Variants in NECTIN1 observed in about 807,000 individuals in gnomAD.
NECTIN1 encodes the protein nectin cell adhesion molecule 1, also known as nectin-1.
NECTIN1 carries 23 observed loss-of-function variants against 48.0 expected under a neutral mutation model. The ratio of observed to expected loss-of-function variants is 0.48; its 90% CI spans 0.34 to 0.68. The LOEUF (loss-of-function observed/expected upper bound fraction) is 0.68. NECTIN1 is among the 30% of genes least tolerant of loss of function. The probability of loss-of-function intolerance (pLI) is 0.01; values close to 1 mark genes in which losing one functional copy is unlikely to be tolerated. For missense variants in NECTIN1, 591 were observed against 709.9 expected, an observed-to-expected ratio of 0.83 and a Z score of 1.90; for synonymous variants, 270 against 288.9, an observed-to-expected ratio of 0.93 and a Z score of 0.66.
At chr11:119,717,952 G>A (rs1488754784) in intron 1 of NECTIN1, among the ~76,000 whole-genome samples, 2 of 152,270 alleles carry the variant, frequency 1.3e-5, no homozygotes, top group African/African-American at 4.8e-5. Flanking sequence ...GCTTGTGTCT[G>A]GGCCACAGAG....
intron 5 of NECTIN1, among the ~76,000 whole-genome samples, chr11:119,670,795 C>G (rs1233281443): frequency 1.3e-5 from 2 of 151,942 alleles, no homozygotes; most frequent in Non-Finnish European, 2.9e-5. Context: ...TACAGGCACG[C>G]ACTGCCACAC....
rs181208753 is a variant in NECTIN1 at position 119,718,670 on chromosome 11, G to A, written c.79+9805C>T. On this transcript the variant is annotated intron_variant, in intron 1 of 5. Transcript: ENST00000264025. ...TACTATACCTGCCTCTGGTCTCACC[G>A]TGAGACATGGTGTGTGTGAGGGGGC... Among the ~76,000 whole-genome samples, 8 of 152,288 alleles carry A rather than the reference G, an allele frequency of 5.3e-5. No homozygotes were observed. In the East Asian group the frequency reaches 1.2e-3, roughly 22 times the overall value.
In NECTIN1 at chr11:119,684,694, C is replaced by G. The variant is rs891056979; in HGVS notation, c.80-5929G>C. ...CTTCCCTGATTGTCAACTCCCAGGG[C>G]TGGCCAACTCCATACCTTCTGAAGC... is the stretch of plus-strand genomic sequence containing the variant. On this transcript the variant is annotated intron_variant, in intron 1 of 5. Transcript: ENST00000264025. The surrounding 1 kb of genome is among the most constrained non-coding windows in gnomAD (Gnocchi z 5.2). Among the ~76,000 whole-genome samples the G allele has an allele frequency of 2.6e-5, 4 of 152,328 alleles. No individual in the cohort carries two copies. In the East Asian group the frequency reaches 7.7e-4, roughly 29 times the overall value.
chr11:119,665,228 C>T lies in NECTIN1; in HGVS notation c.1073G>A (p.Gly358Glu). The T allele has an allele frequency of 6.2e-7, 1 of 1,602,982 alleles. No homozygotes were observed. The highest frequency in any genetic ancestry group is 1.1e-5 in the South Asian group (1 of 91,038). Residue 358 changes from glycine (G) to glutamate (E), a missense_variant, in exon 6 of 6, where the codon GGG (glycine) becomes GAG (glutamate). Transcript: ENST00000264025. The surrounding 1 kb of genome is among the most constrained non-coding windows in gnomAD (Gnocchi z 5.1). ...CAGCAGGATGCTCCCCGCCACGCCCCCAATGATGGCCGTGGGCACCGGCCC... is the reference window on the plus strand; with the variant it reads ...CAGCAGGATGCTCCCCGCCACGCCCTCAATGATGGCCGTGGGCACCGGCCC... Reference protein sequence around the residue: ...RAGPVPTAIIGGVAGSILLVL... With the variant: ...RAGPVPTAIIEGVAGSILLVL...
chr11:119,669,442 A>C (rs558655826), intron 5 of NECTIN1, among the ~76,000 whole-genome samples: 121 of 149,840 alleles, frequency 8.1e-4, no homozygotes, highest in Middle Eastern at 7.0e-3. Flanking sequence ...CTTGAACCTG[A>C]TCTCTTCTCA....
intron 1 of NECTIN1, among the ~76,000 whole-genome samples, chr11:119,691,732 G>A (rs759911492): frequency 6.6e-6 from 1 of 152,202 alleles, no homozygotes; most frequent in African/African-American, 2.4e-5. Context: ...CTTTTCACCT[G>A]TAAATGGGCC....
chr11:119,647,166 T>TGTGTGTGTGTGTGG (rs1864409033), intron 5 of NECTIN1, among the ~76,000 whole-genome samples: 1 of 37,166 alleles, frequency 2.7e-5, no homozygotes, highest in African/African-American at 1.1e-4. Context: ...GGCGCATGTG[T>TGTGTGTGTGTGTGG]GTGTGTGTGT....
chr11:119,705,519 T>C (rs868123255), intron 1 of NECTIN1, among the ~76,000 whole-genome samples: 2 of 151,998 alleles, frequency 1.3e-5, no homozygotes, highest in African/African-American at 4.8e-5. Context: ...GAGGAGATAT[T>C]CCAGGCAGAG....
rs112681299 is a variant in NECTIN1, at chr11:119,648,289, A to C, written c.1004-8277T>G. On this transcript the variant is annotated intron_variant, in intron 5 of 7. Coordinates refer to the NECTIN1 transcript ENST00000341398. ...AGTGGTGGTGGTGATGGTGGTGGTG[A>C]TGGTGGTGGTGGTGGTGATGGTGGT... 1.3e-3 allele frequency among the ~76,000 whole-genome samples: 14 copies of C among 10,762 alleles called. 1 individual carries two copies. Among genetic ancestry groups the C allele is most frequent in the African/African-American group, 3.7e-3 (12 of 3,238 alleles). 7.1% of individuals were successfully genotyped at this position (10,762 alleles called of 152,430 possible).
Position 119,664,783 on chromosome 11 carries a change from G to A in NECTIN1, c.1518C>T (p.Asp506=), listed in dbSNP as rs768276759. 1.5e-5 allele frequency: 24 copies of A among 1,613,074 alleles called. No individual in the cohort carries two copies. The highest frequency in any genetic ancestry group is 1.7e-4 in the Middle Eastern group (1 of 6,056). The stretch of plus-strand genomic sequence containing the variant: ...ACTCCTTCTTGGAAATGAAAGACCC[G>A]TCGTTCTGAGAAACCATGTTCTCAG... ...DLAENMVSQN[D]GSFISKKEWY... The change falls in exon 6 of 6, where the codon GAC becomes GAT. Residue 506 remains aspartate (D), a synonymous_variant. Transcript: ENST00000264025.
At chr11:119,702,771 C>A (rs1468706575) in intron 1 of NECTIN1, among the ~76,000 whole-genome samples, 1 of 152,258 alleles carries the variant, frequency 6.6e-6, no homozygotes, top group African/African-American at 2.4e-5. Context: ...GCCCTGAGAG[C>A]TGACCCTGGC....
intron 1 of NECTIN1, among the ~76,000 whole-genome samples, chr11:119,728,043 T>C (rs1033578201): frequency 6.6e-6 from 1 of 152,150 alleles, no homozygotes; most frequent in Non-Finnish European, 1.5e-5. Context: ...CCCCCCGCCA[T>C]ACTCCAAACC....
Position 119,662,791 on chromosome 11 carries a change from A to T in NECTIN1, c.*1956T>A. 1.0e-6 allele frequency: 1 copy of T among 986,370 alleles called. No homozygotes were observed. Among genetic ancestry groups the T allele is most frequent in the Non-Finnish European group, 1.2e-6 (1 of 830,414 alleles). The allele number at this position is 986,370 out of a possible 1,614,324, so 61.1% of individuals were successfully genotyped here. ...CCACCTCCCTCTGCCCTGTGGCTGG[A>T]AAGACTCCACAATTTTCTCCCCTAA... is the stretch of plus-strand genomic sequence containing the variant. On this transcript the variant is annotated 3_prime_UTR_variant, in exon 6 of 6. Coordinates refer to ENST00000264025, the MANE Select transcript of NECTIN1 (RefSeq NM_002855.5). This position sits in a 1 kb window ranked among gnomAD's most constrained non-coding sequence, Gnocchi z 5.3.
intron 6 of NECTIN1, chr11:119,639,587 G>A (rs1396205208): frequency 3.3e-5 from 17 of 520,364 alleles, no homozygotes; most frequent in South Asian, 2.3e-4. Context: ...ACTATAAATC[G>A]TGGATGGTAA....
In NECTIN1 at chr11:119,661,147, C is replaced by T. The variant is rs750436773; in HGVS notation, c.*3600G>A. 28 of 985,628 alleles carry T rather than the reference C, an allele frequency of 2.8e-5. No individual in the cohort carries two copies. The African/African-American group carries it at 3.3e-4, about 12-fold the overall frequency. The allele number at this position is 985,628 out of a possible 1,614,324, so 61.1% of individuals were successfully genotyped here. On this transcript the variant is annotated 3_prime_UTR_variant, in exon 6 of 6. Transcript: ENST00000264025. ...TGCTGGGCTGTCCCTGGACCAAAGG[C>T]GGAAAGGGCGACAAGACGCCGAAGC...
rs1284177597 is a variant in NECTIN1 at position 119,728,642 on chromosome 11, G to A, written c.-89C>T. On this transcript the variant is annotated 5_prime_UTR_variant, in exon 1 of 6. Coordinates refer to ENST00000264025, the MANE Select transcript of NECTIN1 (RefSeq NM_002855.5). ...CCCGGAAGATGAGGGAAGATCGCTG[G>A]CGGTCGGCGGGCGCTCGAAGGATCC... is the stretch of plus-strand genomic sequence containing the variant. The A allele has an allele frequency of 1.7e-5, 14 of 804,700 alleles. No homozygotes were observed. In the African/African-American group the frequency reaches 1.8e-4, roughly 10 times the overall value. The allele number at this position is 804,700 out of a possible 1,614,324, so 49.8% of individuals were successfully genotyped here.
intron 5 of NECTIN1, among the ~76,000 whole-genome samples, chr11:119,669,756 C>A (rs1864836677): frequency 6.6e-6 from 1 of 152,216 alleles, no homozygotes; most frequent in Non-Finnish European, 1.5e-5. Context: ...TGCCCTGCCC[C>A]CTGAAAGCCA....
chr11:119,687,411 C>T (rs564708685), intron 1 of NECTIN1: 1 of 152,334 alleles, frequency 6.6e-6, no homozygotes, highest in South Asian at 2.1e-4. Flanking sequence ...CTTCTGCTGT[C>T]CCAGCCTTTC....
chr11:119,671,553 G>A (rs1864861493), intron 5 of NECTIN1, among the ~76,000 whole-genome samples: 1 of 152,188 alleles, frequency 6.6e-6, no homozygotes, highest in African/African-American at 2.4e-5. Context: ...TCTAGGATCT[G>A]GAGGTTTGGG....
Sources: allele counts gnomAD v4.1 joint callset (sites outside exome capture counted in the v4.1 genomes callset), GRCh38; gene constraint gnomAD v4.1.1; non-coding constraint Gnocchi (gnomAD v3.1); transcripts MANE v1.5; gene names NCBI Gene and HGNC (gene_info 2026-07-23, HGNC 2026-07-21).